BBOX1: variants seen among roughly 807,000 people sequenced by gnomAD.
The protein encoded by BBOX1 is gamma-butyrobetaine hydroxylase 1.
In BBOX1, 35 loss-of-function variants were observed where a neutral mutation model predicts 41.6. The ratio of observed to expected loss-of-function variants is 0.84; its 90% confidence interval spans 0.64 to 1.11. The LOEUF (loss-of-function observed/expected upper bound fraction) is 1.11, where lower values mean the gene tolerates loss of function less well. Ranked by LOEUF, BBOX1 falls within the 50% of genes most tolerant of loss-of-function variation. The pLI, the probability that BBOX1 is intolerant of heterozygous loss-of-function variation, is 0.00. For synonymous variants in BBOX1, 163 were observed against 154.7 expected, an observed-to-expected ratio of 1.05 and a Z score of -0.40; for missense variants, 458 against 460.6, an observed-to-expected ratio of 0.99 and a Z score of 0.05.
intron 5 of BBOX1, among the ~76,000 whole-genome samples, chr11:27,094,832 A>C (rs566948957): frequency 5.9e-5 from 9 of 151,992 alleles, no homozygotes; most frequent in Admixed American, 2.0e-4. Flanking sequence ...GTGTTGTATA[A>C]AATTTGTATC....
intron 4 of BBOX1, among the ~76,000 whole-genome samples, chr11:27,079,407 A>T (rs933232993): frequency 2.6e-5 from 4 of 152,184 alleles, no homozygotes; most frequent in Non-Finnish European, 5.9e-5. Context: ...GCTACAGATG[A>T]AAATACCAGC....
At chr11:27,047,006 G>T (rs1233316362) in intron 2 of BBOX1, among the ~76,000 whole-genome samples, 1 of 151,528 alleles carries the variant, frequency 6.6e-6, no homozygotes, top group Admixed American at 6.6e-5. Flanking sequence ...TTCCCATTTT[G>T]CCCTGCTTTT....
chr11:27,127,184 G>T, intron 8 of BBOX1, 109 bp from the exon 9 acceptor site: 3 of 1,186,778 alleles, frequency 2.5e-6, no homozygotes, highest in Non-Finnish European at 3.6e-6. Flanking sequence ...AATAAGCGAT[G>T]ATTCTTGATG....
chr11:27,099,293 A>G (rs1564979501), intron 5 of BBOX1, among the ~76,000 whole-genome samples: 1 of 151,964 alleles, frequency 6.6e-6, no homozygotes, highest in Non-Finnish European at 1.5e-5. Context: ...ATTTGCTGGC[A>G]CCAACAAGTT....
At chr11:27,120,467 G>A (rs1031606890) in intron 7 of BBOX1, among the ~76,000 whole-genome samples, 1 of 152,084 alleles carries the variant, frequency 6.6e-6, no homozygotes, top group African/African-American at 2.4e-5. Context: ...CTGGAGCAGG[G>A]TCAGCCTCAT....
intron 5 of BBOX1, among the ~76,000 whole-genome samples, chr11:27,114,754 G>GA (rs1809077184): frequency 6.6e-6 from 1 of 151,658 alleles, no homozygotes; most frequent in South Asian, 2.1e-4. Context: ...AATTCAAAAT[G>GA]AACAAATTAT....
At chr11:27,042,053 T>C (rs773785729) in intron 2 of BBOX1, among the ~76,000 whole-genome samples, 138 of 152,320 alleles carry the variant, frequency 9.1e-4, no homozygotes, top group Admixed American at 4.5e-3. Flanking sequence ...CAAGAAGGTA[T>C]ATTACAGGTA....
rs1788789572 is a variant in BBOX1 at position 27,043,908 on chromosome 11, G to GTA, written c.-39+2431_-39+2432insAT. Among the ~76,000 whole-genome samples, 5 of 152,232 alleles carry GTA rather than the reference G, an allele frequency of 3.3e-5. No homozygotes were observed. In the South Asian group the frequency reaches 1.0e-3, roughly 32 times the overall value. On this transcript the variant is annotated intron_variant, in intron 2 of 8. Coordinates refer to ENST00000263182, the MANE Select transcript of BBOX1 (RefSeq NM_003986.3). ...GAACAGTGCTGTAATAAACATACAT[G>GTA]TGCACGTGTCTTTATAGTAGAATGA...
chr11:27,092,837 G>A (rs1246109850), intron 4 of BBOX1, among the ~76,000 whole-genome samples: 1 of 151,952 alleles, frequency 6.6e-6, no homozygotes, highest in African/African-American at 2.4e-5. Context: ...GTATCTCAGA[G>A]TTATTTCTAA....
intron 4 of BBOX1, among the ~76,000 whole-genome samples, chr11:27,064,618 T>TA (rs891950222): frequency 4.6e-5 from 7 of 152,070 alleles, no homozygotes; most frequent in Non-Finnish European, 8.8e-5. Context: ...GGTTTTACAG[T>TA]AAAAAAGGAG....
At chr11:27,125,241 A>G (rs1859610065) in intron 7 of BBOX1, among the ~76,000 whole-genome samples, 1 of 152,186 alleles carries the variant, frequency 6.6e-6, no homozygotes, top group African/African-American at 2.4e-5. Flanking sequence ...TCTTCCCATC[A>G]TACCCTCAAA....
intron 4 of BBOX1, among the ~76,000 whole-genome samples, chr11:27,076,053 AG>A (rs1471785382): frequency 1.3e-5 from 2 of 152,144 alleles, no homozygotes; most frequent in Non-Finnish European, 2.9e-5. Flanking sequence ...TTATCTCCCA[AG>A]GTGTTCTCTT....
intron 5 of BBOX1, among the ~76,000 whole-genome samples, chr11:27,094,892 C>G (rs1431126391): frequency 6.6e-6 from 1 of 151,926 alleles, no homozygotes; most frequent in Non-Finnish European, 1.5e-5. Flanking sequence ...ACAGCAACAA[C>G]AACAGACAAA....
intron 5 of BBOX1, among the ~76,000 whole-genome samples, chr11:27,112,328 A>C (rs1239396089): frequency 2.6e-5 from 4 of 151,968 alleles, no homozygotes; most frequent in Non-Finnish European, 4.4e-5. Context: ...TAGAAGTCAC[A>C]GTCATAGTTA....
chr11:27,078,922 A>G (rs1857731769), intron 4 of BBOX1, among the ~76,000 whole-genome samples: 1 of 152,164 alleles, frequency 6.6e-6, no homozygotes, highest in Admixed American at 6.5e-5. Flanking sequence ...AATAAGTGAT[A>G]AACTGTAAGT....
At chr11:27,113,568 C>T (rs906524593) in intron 5 of BBOX1, among the ~76,000 whole-genome samples, 6 of 151,780 alleles carry the variant, frequency 4.0e-5, no homozygotes, top group South Asian at 2.1e-4. Flanking sequence ...AAACCCAATA[C>T]AGCATGTTTT....
At chr11:27,079,798 C>T (rs954556750) in intron 4 of BBOX1, among the ~76,000 whole-genome samples, 23 of 152,064 alleles carry the variant, frequency 1.5e-4, no homozygotes, top group African/African-American at 5.6e-4. Context: ...CAGCATTTTC[C>T]ATCTCAACTG....
chr11:27,080,528 G>C (rs1422164674), intron 4 of BBOX1, among the ~76,000 whole-genome samples: 1 of 152,102 alleles, frequency 6.6e-6, no homozygotes, highest in Non-Finnish European at 1.5e-5. Flanking sequence ...GGAACCAGTG[G>C]TGAACAAAAT....
chr11:27,103,157 C>T (rs577708362), intron 5 of BBOX1, among the ~76,000 whole-genome samples: 199 of 151,990 alleles, frequency 1.3e-3, no homozygotes, highest in African/African-American at 4.6e-3. Flanking sequence ...CACTCCAGCC[C>T]GGGCAACAGT....
Sources: gnomAD v4.1 joint callset for allele counts (sites outside exome capture counted in the v4.1 genomes callset) on GRCh38, gnomAD v4.1.1 for gene constraint, MANE v1.5 for transcripts, NCBI Gene and HGNC (gene_info 2026-07-23, HGNC 2026-07-21) for gene names.